MED26: variants seen among roughly 807,000 people sequenced by gnomAD.
The protein encoded by MED26 is mediator of RNA polymerase II transcription subunit 26.
MED26 carries 7 observed loss-of-function variants against 43.7 expected under a neutral mutation model. The ratio of observed to expected loss-of-function variants is 0.16; its 90% CI spans 0.09 to 0.30. The LOEUF is 0.30. Among genes scored for constraint, MED26 ranks in the 10% least tolerant of loss-of-function variants. The pLI is 1.00. For synonymous variants in MED26, 375 were observed against 371.1 expected (o/e 1.01, Z -0.12); for missense variants, 784 against 840.6 (o/e 0.93, Z 0.83).
intron 1 of MED26, among the ~76,000 whole-genome samples, chr19:16,583,821 G>A (rs191629829): frequency 1.3e-5 from 2 of 152,276 alleles, no homozygotes; most frequent in Admixed American, 1.3e-4. Context: ...CATTAATCTC[G>A]TCCTTCTGGA....
intron 1 of MED26, chr19:16,611,692 C>T (rs2086200108): frequency 6.6e-6 from 1 of 152,132 alleles, no homozygotes; most frequent in African/African-American, 2.4e-5. Context: ...CACTCCTTTC[C>T]CCCTCATGGT....
At position 16,577,204 on chromosome 19, in the gene MED26, A is replaced by G; in HGVS notation, c.626T>C (p.Leu209Pro). The change falls in exon 3 of 3, where the codon CTG (leucine) becomes CCG (proline). Residue 209 changes from leucine (L) to proline (P), a missense_variant. Coordinates refer to ENST00000263390, the MANE Select transcript of MED26 (RefSeq NM_004831.5). This position sits in a 1 kb window ranked among gnomAD's most constrained non-coding sequence, Gnocchi z 8.1. ...SGHAGPEGSRLERDENDKHSG... is the reference protein window; with the variant it reads ...SGHAGPEGSRPERDENDKHSG... ...GTGCTTGTCATTCTCGTCACGCTCC[A>G]GGCGGCTGCCCTCTGGGCCTGCATG... 1 of 1,613,266 alleles carries G rather than the reference A, an allele frequency of 6.2e-7. No homozygotes were observed. The highest frequency in any genetic ancestry group is 8.5e-7 in the Non-Finnish European group (1 of 1,179,932).
chr19:16,613,747 G>T (rs1184590346), intron 1 of MED26, among the ~76,000 whole-genome samples: 1 of 152,218 alleles, frequency 6.6e-6, no homozygotes, highest in Non-Finnish European at 1.5e-5. Flanking sequence ...CACACAGTAA[G>T]AGTTGATGCT....
chr19:16,581,668 C>T (rs1467439975), intron 1 of MED26, among the ~76,000 whole-genome samples: 1 of 152,228 alleles, frequency 6.6e-6, no homozygotes, highest in Admixed American at 6.5e-5. Flanking sequence ...TGAGCTGGTG[C>T]CCCAGAAATC....
chr19:16,591,523 G>C (rs2086097546), intron 1 of MED26, among the ~76,000 whole-genome samples: 1 of 152,272 alleles, frequency 6.6e-6, no homozygotes, highest in African/African-American at 2.4e-5. Context: ...TGTCCTATGA[G>C]CTGTGAAATA....
At chr19:16,598,229 C>T (rs116114683) in intron 1 of MED26, among the ~76,000 whole-genome samples, 1,460 of 145,288 alleles carry the variant, frequency 0.01, 14 homozygotes, top group African/African-American at 0.025. Context: ...TCCAGCTACT[C>T]GGGAAGCTGA....
intron 1 of MED26, among the ~76,000 whole-genome samples, chr19:16,621,240 C>A (rs149562902): frequency 6.6e-6 from 1 of 152,166 alleles, no homozygotes; most frequent in African/African-American, 2.4e-5. Flanking sequence ...CCAGACAAAT[C>A]GGTGAATCTC....
intron 1 of MED26, among the ~76,000 whole-genome samples, chr19:16,627,120 G>T (rs934166382): frequency 6.6e-6 from 1 of 152,176 alleles, no homozygotes; most frequent in African/African-American, 2.4e-5. Context: ...TGGGTAAACG[G>T]GAGAGAAAAG....
At chr19:16,591,029 G>A (rs1163291249) in intron 1 of MED26, among the ~76,000 whole-genome samples, 1 of 149,794 alleles carries the variant, frequency 6.7e-6, no homozygotes, top group Non-Finnish European at 1.5e-5. Flanking sequence ...CACAGAGAGA[G>A]ACTTTCTCAA....
At chr19:16,625,359 C>T (rs901646485) in intron 1 of MED26, among the ~76,000 whole-genome samples, 6 of 152,232 alleles carry the variant, frequency 3.9e-5, no homozygotes, top group Non-Finnish European at 8.8e-5. Context: ...GACTTCGTCA[C>T]TTCCCTAACT....
chr19:16,606,322 G>A (rs1568286904), intron 1 of MED26, among the ~76,000 whole-genome samples: 1 of 152,178 alleles, frequency 6.6e-6, no homozygotes, highest in Non-Finnish European at 1.5e-5. Context: ...AGGCTGAGGT[G>A]GGCGGATCAC....
In MED26 at chr19:16,627,971, C is replaced by A. The variant is rs1158681127; in HGVS notation, c.-28G>T. 3 of 1,404,452 alleles carry A rather than the reference C, an allele frequency of 2.1e-6. No individual in the cohort carries two copies. The highest frequency in any genetic ancestry group is 1.4e-5 in the South Asian group (1 of 68,986). The allele number at this position is 1,404,452 out of a possible 1,614,324, so 87.0% of individuals were successfully genotyped here. On this transcript the variant is annotated 5_prime_UTR_variant, in exon 1 of 3. Coordinates refer to ENST00000263390, the MANE Select transcript of MED26 (RefSeq NM_004831.5). ...CCTGGGCGAGGCGGGGGGTTGCGGC[C>A]GGGCCAGCGGGCGGGCGGGCTGAGG...
chr19:16,578,291 C>A (rs77448524), intron 2 of MED26, 44 bp downstream of exon 2: 6 of 1,565,684 alleles, frequency 3.8e-6, no homozygotes, highest in Non-Finnish European at 5.3e-6. Context: ...CCATCCCCTG[C>A]CCCCCGTTCT....
rs2085997502 is a variant in MED26 at position 16,576,195 on chromosome 19, C to G, written c.1635G>C (p.Arg545=). ...SPPTDLPGLT[R]EVTQDDLDRI... ...TGTCGAGATCGTCCTGTGTGACCTC[C>G]CGGGTCAGACCAGGGAGGTCCGTGG... Residue 545 remains arginine (R), a synonymous_variant, in exon 3 of 3, where the codon CGG becomes CGC. Transcript: ENST00000263390. The surrounding 1 kb of genome is among the most constrained non-coding windows in gnomAD (Gnocchi z 6.8). 1 of 1,612,840 alleles carries G rather than the reference C, an allele frequency of 6.2e-7. No individual in the cohort carries two copies. Among genetic ancestry groups the G allele is most frequent in the Non-Finnish European group, 8.5e-7 (1 of 1,180,012 alleles).
At position 16,576,137 on chromosome 19, in the gene MED26, C is replaced by T. The variant is rs761397451; in HGVS notation, c.1693G>A (p.Gly565Arg). ...CAGTTACCCTGTGTGTCCTGACACCCGTTCACCCCCGGCCACTGGCTGGCC... is the reference window on the plus strand; with the variant it reads ...CAGTTACCCTGTGTGTCCTGACACCTGTTCACCCCCGGCCACTGGCTGGCC... ...IQASQWPGVN[G>R]CQDTQGNWYD... is the part of the protein sequence containing the mutation. Residue 565 changes from glycine (G) to arginine (R), a missense_variant, in exon 3 of 3, where the codon GGG becomes AGG. By Grantham distance (125) the Gly-to-Arg change is moderately radical. Coordinates refer to ENST00000263390, the MANE Select transcript of MED26 (RefSeq NM_004831.5). The surrounding 1 kb of genome is among the most constrained non-coding windows in gnomAD (Gnocchi z 6.8). The T allele has an allele frequency of 1.9e-6, 3 of 1,613,954 alleles. No individual in the cohort carries two copies. Among genetic ancestry groups the T allele is most frequent in the East Asian group, 2.2e-5 (1 of 44,872 alleles).
At chr19:16,602,087 C>T (rs369192561) in intron 1 of MED26, among the ~76,000 whole-genome samples, 1 of 152,188 alleles carries the variant, frequency 6.6e-6, no homozygotes, top group Non-Finnish European at 1.5e-5. Context: ...ACCAGGGAGC[C>T]GCCGTCAGCC....
chr19:16,626,555 C>T (rs2086276479), intron 1 of MED26, among the ~76,000 whole-genome samples: 1 of 152,080 alleles, frequency 6.6e-6, no homozygotes. Context: ...CCAGAGCCTT[C>T]GAAAAAACTC....
intron 1 of MED26, among the ~76,000 whole-genome samples, chr19:16,613,481 G>A (rs1257095549): frequency 1.3e-5 from 2 of 152,090 alleles, no homozygotes; most frequent in African/African-American, 4.8e-5. Context: ...CCACTTCCGA[G>A]GTGGAAAAAG....
rs542632110 is a variant in MED26 at position 16,624,978 on chromosome 19, G to A, written c.72+2894C>T. ...CGAGTGTCCCAGGCAGATGGGAACC[G>A]AATCACCTGCTGAGGAGACTGCTCA... is the stretch of plus-strand genomic sequence containing the variant. On this transcript the variant is annotated intron_variant, in intron 1 of 2. Transcript: ENST00000263390. Among the ~76,000 whole-genome samples, 51 of 152,296 alleles carry A rather than the reference G, an allele frequency of 3.3e-4. 1 individual carries two copies. The highest frequency in any genetic ancestry group is 4.9e-4 in the Non-Finnish European group (33 of 68,026).
Sources: gnomAD v4.1 joint callset for allele counts (sites outside exome capture counted in the v4.1 genomes callset) on GRCh38, gnomAD v4.1.1 for gene constraint, Gnocchi (gnomAD v3.1) non-coding constraint, MANE v1.5 for transcripts, NCBI Gene and HGNC (gene_info 2026-07-23, HGNC 2026-07-21) for gene names.